Variants in DPY19L4 observed in about 807,000 individuals in gnomAD.
The protein encoded by DPY19L4 is dpy-19 like 4.
DPY19L4 carries 97 observed loss-of-function variants against 102.8 expected under a neutral mutation model. That is an observed-to-expected ratio of 0.94 (90% CI 0.80 to 1.12). The LOEUF is 1.12. Among genes scored for constraint, DPY19L4 ranks in the 50% most tolerant of loss-of-function variants. The probability of loss-of-function intolerance (pLI) is 0.00; values close to 1 mark genes in which losing one functional copy is unlikely to be tolerated. For synonymous variants in DPY19L4, 252 were observed against 283.1 expected (o/e 0.89, Z 1.10); for missense variants, 815 against 850.4 (o/e 0.96, Z 0.52).
rs1811052656 is a variant in DPY19L4 at position 94,733,339 on chromosome 8, A to C, written c.128-1291A>C. 2.0e-5 allele frequency among the ~76,000 whole-genome samples: 3 copies of C among 151,396 alleles called. No individual in the cohort carries two copies. The South Asian group carries it at 6.3e-4, about 32-fold the overall frequency. Reference sequence around the variant, plus strand: ...ACGGGGTTTCACCGTGTTAGCCAGGATGGTCTCGATCTCCTGACCTTGTGA... The same window carrying C: ...ACGGGGTTTCACCGTGTTAGCCAGGCTGGTCTCGATCTCCTGACCTTGTGA... On this transcript the variant is annotated intron_variant, in intron 2 of 18. Transcript: ENST00000414645.
chr8:94,754,357 G>C (rs1164810870), intron 6 of DPY19L4, among the ~76,000 whole-genome samples: 1 of 152,188 alleles, frequency 6.6e-6, no homozygotes, highest in East Asian at 1.9e-4. Flanking sequence ...GTGATAACGT[G>C]CCGAGCCTGG....
chr8:94,733,179 G>A (rs536316453), intron 2 of DPY19L4, among the ~76,000 whole-genome samples: 4 of 132,356 alleles, frequency 3.0e-5, no homozygotes, highest in Non-Finnish European at 4.6e-5. Flanking sequence ...AGGCTGGAGC[G>A]CAGTGGCATG....
chr8:94,769,053 A>C (rs1359618496), intron 12 of DPY19L4, among the ~76,000 whole-genome samples: 4 of 144,846 alleles, frequency 2.8e-5, no homozygotes, highest in Non-Finnish European at 6.1e-5. Context: ...ATTTAAACTT[A>C]GTTTTTTTGT....
chr8:94,781,056 A>AC (rs1813405344), intron 15 of DPY19L4, 28 bp from the exon 16 acceptor site: 1 of 1,126,696 alleles, frequency 8.9e-7, no homozygotes, highest in African/African-American at 1.8e-5. Flanking sequence ...TCTTTTGGGG[A>AC]TTTTTTTTTT....
rs766697813 is a variant in DPY19L4 at position 94,766,642 on chromosome 8, A to G, written c.1132A>G (p.Met378Val). Residue 378 changes from methionine (M) to valine (V), a missense_variant, in exon 11 of 19, where the codon ATG (methionine) becomes GTG (valine). Physicochemically the swap from Met to Val is conservative, Grantham distance 21. Coordinates refer to ENST00000414645, the MANE Select transcript of DPY19L4 (RefSeq NM_181787.3). ...TGTCCCACACAAAGAAAATGGGCAC[A>G]TGCTGAAATTCCTTGAAGTAAAATT... ...MFVPHKENGH[M>V]LKFLEVKFGL... 1.2e-6 allele frequency: 2 copies of G among 1,614,056 alleles called. No individual in the cohort carries two copies. Among genetic ancestry groups the G allele is most frequent in the Non-Finnish European group, 1.7e-6 (2 of 1,179,978 alleles).
At chr8:94,725,087 ATTTAT>A (rs1810631734) in intron 1 of DPY19L4, among the ~76,000 whole-genome samples, 1 of 152,166 alleles carries the variant, frequency 6.6e-6, no homozygotes, top group African/African-American at 2.4e-5. Context: ...TTTAAGATAC[ATTTAT>A]TTTATTCATT....
chr8:94,766,475 A>G (rs764244438), intron 10 of DPY19L4, 137 bp from the exon 11 acceptor site: 3 of 688,146 alleles, frequency 4.4e-6, no homozygotes, highest in Non-Finnish European at 7.2e-6. Context: ...TCCTTGCTTC[A>G]TAGTCATACC....
chr8:94,742,853 C>T (rs1456828831), intron 6 of DPY19L4, among the ~76,000 whole-genome samples: 5 of 151,100 alleles, frequency 3.3e-5, no homozygotes, highest in Non-Finnish European at 7.4e-5. Flanking sequence ...CCACCGCGCC[C>T]GGCCAATGCC....
intron 7 of DPY19L4, among the ~76,000 whole-genome samples, chr8:94,758,484 C>A (rs774946727): frequency 1.3e-5 from 2 of 152,180 alleles, no homozygotes; most frequent in Non-Finnish European, 2.9e-5. Context: ...TCTTCCGTCA[C>A]CACTAAGAAA....
intron 2 of DPY19L4, among the ~76,000 whole-genome samples, chr8:94,727,923 G>A (rs1162648962): frequency 6.6e-6 from 1 of 152,116 alleles, no homozygotes; most frequent in Non-Finnish European, 1.5e-5. Context: ...AGCCAAGAGA[G>A]CCTACCTTGC....
intron 16 of DPY19L4, among the ~76,000 whole-genome samples, chr8:94,781,918 T>G (rs1405448107): frequency 6.6e-6 from 1 of 152,112 alleles, no homozygotes; most frequent in African/African-American, 2.4e-5. Flanking sequence ...TGGTTTGGGG[T>G]TGGTCTGGAA....
intron 2 of DPY19L4, among the ~76,000 whole-genome samples, chr8:94,726,667 C>T (rs1370108183): frequency 1.3e-5 from 2 of 151,996 alleles, no homozygotes; most frequent in South Asian, 2.1e-4. Flanking sequence ...TTATGTGTTG[C>T]GAAGGAATAG....
chr8:94,771,576 G>T (rs185957169), intron 13 of DPY19L4, among the ~76,000 whole-genome samples: 1 of 152,178 alleles, frequency 6.6e-6, no homozygotes, highest in African/African-American at 2.4e-5. Context: ...ATATAAAACA[G>T]AATTTGACTT....
chr8:94,754,186 T>C lies in DPY19L4; in HGVS notation c.612-1850T>C, dbSNP rs74863993. The stretch of plus-strand genomic sequence containing the variant: ...GGGGAGGGAATAGGAAAAAAGTTAT[T>C]AGTGCTTAGAGGTCTGAGACTAGGA... On this transcript the variant is annotated intron_variant, in intron 6 of 18. Transcript: ENST00000414645. 5.4e-3 allele frequency among the ~76,000 whole-genome samples: 818 copies of C among 152,202 alleles called. 6 individuals are homozygous for C. The highest frequency in any genetic ancestry group is 0.018 in the African/African-American group (766 of 41,554).
At chr8:94,757,452 C>A (rs1014370052) in intron 7 of DPY19L4, among the ~76,000 whole-genome samples, 1 of 151,958 alleles carries the variant, frequency 6.6e-6, no homozygotes, top group Non-Finnish European at 1.5e-5. Flanking sequence ...ATCTGTTGCC[C>A]AGGCTGGAGT....
chr8:94,767,547 C>T (rs1213833255), intron 11 of DPY19L4, among the ~76,000 whole-genome samples: 1 of 152,160 alleles, frequency 6.6e-6, no homozygotes, highest in East Asian at 1.9e-4. Flanking sequence ...CCGCCTCGGC[C>T]TCCCAAAGTG....
At position 94,763,621 on chromosome 8, in the gene DPY19L4, A is replaced by G. The variant is rs138151030; in HGVS notation, c.871-1562A>G. Among the ~76,000 whole-genome samples, 1,137 of 151,642 alleles carry G rather than the reference A, an allele frequency of 7.5e-3. 6 individuals are homozygous for G. Among genetic ancestry groups the G allele is most frequent in the African/African-American group, 0.022 (899 of 41,358 alleles). ...CTGTAGCCTCCGCCTCCCAGGTTCA[A>G]GTGATTATCTTGCCTCAGCCTCCTG... On this transcript the variant is annotated intron_variant, in intron 8 of 18. Transcript: ENST00000414645.
intron 16 of DPY19L4, among the ~76,000 whole-genome samples, chr8:94,781,551 A>G (rs1295365054): frequency 2.6e-5 from 4 of 152,194 alleles, no homozygotes. Context: ...CACACAGGAC[A>G]GGAGATGTGG....
At chr8:94,739,156 C>T (rs1011049547) in intron 4 of DPY19L4, among the ~76,000 whole-genome samples, 5 of 152,248 alleles carry the variant, frequency 3.3e-5, no homozygotes, top group Admixed American at 3.3e-4. Context: ...CTCTCCCTAT[C>T]CTCCCCTCCC....
Sources: gnomAD v4.1 joint callset for allele counts (sites outside exome capture counted in the v4.1 genomes callset) on GRCh38, gnomAD v4.1.1 for gene constraint, MANE v1.5 for transcripts, NCBI Gene and HGNC (gene_info 2026-07-23, HGNC 2026-07-21) for gene names.